COL6A3: variants seen among roughly 807,000 people sequenced by gnomAD.
COL6A3 encodes collagen alpha-3(VI) chain.
In COL6A3, 137 loss-of-function variants were observed where a neutral mutation model predicts 274.1. That is an observed-to-expected ratio of 0.50 (90% CI 0.44 to 0.58). The LOEUF is 0.58. COL6A3 is among the 20% of genes least tolerant of loss of function. The probability of loss-of-function intolerance (pLI) is 0.00; values close to 1 mark genes in which losing one functional copy is unlikely to be tolerated. For missense variants in COL6A3, 3,950 were observed against 4,124.9 expected (o/e 0.96, Z 1.16); for synonymous variants, 1,650 against 1,650.6 (o/e 1.00, Z 0.01).
Position 237,394,960 on chromosome 2 carries a change from A to G in COL6A3, c.336T>C (p.Ile112=). ...VLSHISNMSY[I]GGTNQTGKGL... ...CTTTTCCAGTCTGATTGGTTCCCCC[A>G]ATATAAGACATGTTGGAAATATGAG... Residue 112 remains isoleucine (I), a synonymous_variant, in exon 3 of 44, where the codon ATT becomes ATC. Transcript: ENST00000295550. The G allele has an allele frequency of 6.2e-7, 1 of 1,614,120 alleles. No individual in the cohort carries two copies. The highest frequency in any genetic ancestry group is 1.1e-5 in the South Asian group (1 of 91,062).
chr2:237,382,125 G>A (rs750781265), intron 4 of COL6A3, among the ~76,000 whole-genome samples: 3 of 152,208 alleles, frequency 2.0e-5, no homozygotes, highest in Non-Finnish European at 2.9e-5. Flanking sequence ...GCTCACGCCT[G>A]TAATCCCAGC....
intron 1 of COL6A3, among the ~76,000 whole-genome samples, chr2:237,405,155 G>A (rs558046960): frequency 1.1e-4 from 16 of 152,128 alleles, no homozygotes; most frequent in Non-Finnish European, 1.8e-4. Flanking sequence ...CTCCACTGAT[G>A]ATTCAGAACC....
intron 39 of COL6A3, 125 bp downstream of exon 39, chr2:237,338,881 GACCCACATT>G: frequency 1.5e-6 from 1 of 688,492 alleles, no homozygotes; most frequent in Admixed American, 2.5e-5. Flanking sequence ...TGAGAAGCAT[GACCCACATT>G]ACCTTTGGGA....
chr2:237,402,969 C>T (rs2645779), intron 1 of COL6A3, among the ~76,000 whole-genome samples: 55,711 of 152,068 alleles, frequency 0.37, 12,060 homozygotes, highest in African/African-American at 0.6. Flanking sequence ...AGCCTTGCCA[C>T]CTGAAGATTG....
chr2:237,332,807 C>T (rs56033985), intron 42 of COL6A3, among the ~76,000 whole-genome samples: 11,002 of 152,270 alleles, frequency 0.072, 489 homozygotes, highest in Non-Finnish European at 0.1. Flanking sequence ...CCACATTCTG[C>T]TGAATGAGAG....
chr2:237,396,795 G>A lies in COL6A3; in HGVS notation c.23C>T (p.Pro8Leu), dbSNP rs753695671. The part of the protein sequence containing the change: MRKHRHL[P>L]LVAVFCLFLS... ...AAAGAGGCAAAAGACGGCCACTAAG[G>A]GCAAGTGCCGATGTTTCCTCATTTT... Residue 8 changes from proline (P) to leucine (L), a missense_variant, in exon 2 of 44, where the codon CCC becomes CTC. By Grantham distance (98) the Pro-to-Leu change is moderately conservative. Transcript: ENST00000295550. 5 of 1,614,104 alleles carry A rather than the reference G, an allele frequency of 3.1e-6. No individual in the cohort carries two copies. Among genetic ancestry groups the A allele is most frequent in the South Asian group, 2.2e-5 (2 of 91,080 alleles).
chr2:237,337,365 C>G (rs976278513), intron 39 of COL6A3, among the ~76,000 whole-genome samples: 1 of 152,082 alleles, frequency 6.6e-6, no homozygotes, highest in African/African-American at 2.4e-5. Context: ...ATGGAGGCTA[C>G]AAAGCTAAAT....
intron 1 of COL6A3, among the ~76,000 whole-genome samples, chr2:237,406,769 T>A (rs1013708997): frequency 1.3e-5 from 2 of 152,188 alleles, no homozygotes; most frequent in African/African-American, 4.8e-5. Flanking sequence ...ATGCTCTTGG[T>A]GTTTGAAAGA....
intron 4 of COL6A3, among the ~76,000 whole-genome samples, chr2:237,386,121 C>T (rs1477439319): frequency 6.6e-6 from 1 of 152,196 alleles, no homozygotes; most frequent in Admixed American, 6.5e-5. Context: ...ACAACAAAAG[C>T]TGTGGTTTAA....
chr2:237,337,151 T>C (rs566859698), intron 39 of COL6A3, among the ~76,000 whole-genome samples: 10 of 152,336 alleles, frequency 6.6e-5, no homozygotes, highest in African/African-American at 2.4e-4. Context: ...CTTCATAGCT[T>C]TCTTGATCTT....
At position 237,336,410 on chromosome 2, in the gene COL6A3, A is replaced by G; in HGVS notation, c.8690T>C (p.Val2897Ala). ...CACAGATGGCTGATTTATAATAGTC[A>G]CAGGCTTTGTTGTGGTGGTTACAGG... ...TKPVTTTTKP[V>A]TIINQPSVKP... Residue 2897 changes from valine (V) to alanine (A), a missense_variant, in exon 40 of 44, where the codon GTG becomes GCG. Coordinates refer to ENST00000295550, the MANE Select transcript of COL6A3 (RefSeq NM_004369.4). 1 of 1,613,512 alleles carries G rather than the reference A, an allele frequency of 6.2e-7. No homozygotes were observed. The highest frequency in any genetic ancestry group is 8.5e-7 in the Non-Finnish European group (1 of 1,180,020).
Position 237,348,608 on chromosome 2 carries a change from C to T in COL6A3, c.6930+5G>A, listed in dbSNP as rs749037028. 3.1e-6 allele frequency: 5 copies of T among 1,613,810 alleles called. No individual in the cohort carries two copies. The highest frequency in any genetic ancestry group is 1.7e-5 in the Admixed American group (1 of 60,034). ...ACGCTTGGATAATCCTCAGCAGATA[C>T]GTACTTTTTTGCCTCTGCGTCCTTC... On this transcript the variant is annotated splice_donor_5th_base_variant and intron_variant, in intron 29 of 43. Transcript: ENST00000295550.
chr2:237,359,094 A>G lies in COL6A3; in HGVS notation c.6355-6T>C. 2 of 1,614,116 alleles carry G rather than the reference A, an allele frequency of 1.2e-6. No homozygotes were observed. The highest frequency in any genetic ancestry group is 1.7e-6 in the Non-Finnish European group (2 of 1,179,938). ...CCAGGCAATCCTTTGTCTCCCTGCC[A>G]AAGACAAGGATTAAAGGTCACACCT... On this transcript the variant is annotated splice_region_variant and splice_polypyrimidine_tract_variant and intron_variant, in intron 19 of 43. Coordinates refer to ENST00000295550, the MANE Select transcript of COL6A3 (RefSeq NM_004369.4).
chr2:237,375,400 A>G (rs1444818174), intron 7 of COL6A3, among the ~76,000 whole-genome samples: 1 of 152,220 alleles, frequency 6.6e-6, no homozygotes, highest in Non-Finnish European at 1.5e-5. Flanking sequence ...AGGTGAGCAG[A>G]TGAAGAATCC....
chr2:237,372,579 G>T (rs185718090), intron 8 of COL6A3, among the ~76,000 whole-genome samples: 4 of 152,348 alleles, frequency 2.6e-5, no homozygotes, highest in Admixed American at 2.6e-4. Flanking sequence ...CACCAGCGAG[G>T]ATGGTACTTG....
chr2:237,341,108 C>T lies in COL6A3; in HGVS notation c.7808G>A (p.Arg2603Lys), dbSNP rs150554876. ...IDPSCGFGSWRPSFRDRRAAG... is the reference protein window; with the variant it reads ...IDPSCGFGSWKPSFRDRRAAG... ...CGCTCTCCTGTCCCTGAAGGAAGGC[C>T]TCCAACTGCCAAATCCACAGGATGG... The change falls in exon 38 of 44, where the codon AGG becomes AAG. Residue 2603 changes from arginine (R) to lysine (K), a missense_variant. By Grantham distance (26) the Arg-to-Lys change is conservative. This residue lies in a region of COL6A3 where 1,284 missense variants were observed against 1,349.7 expected (regional missense o/e 0.95). Transcript: ENST00000295550. 1.4e-5 allele frequency: 22 copies of T among 1,614,186 alleles called. 1 individual carries two copies. Among genetic ancestry groups the T allele is most frequent in the South Asian group, 7.7e-5 (7 of 91,088 alleles).
chr2:237,371,776 T>C lies in COL6A3; in HGVS notation c.4241A>G (p.Glu1414Gly), dbSNP rs1385982462. ...GCTGGCTAAGAGCTTCTGGATCTGC[T>C]CTGAGGTCAGGGTCGTGATGGGCGT... Reference protein sequence around the residue: ...LLTPITTLTSEQIQKLLASTR... With the variant: ...LLTPITTLTSGQIQKLLASTR... The change falls in exon 9 of 44, where the codon GAG becomes GGG. Residue 1414 changes from glutamate (E) to glycine (G), a missense_variant. Physicochemically the swap from Glu to Gly is moderately conservative, Grantham distance 98. Transcript: ENST00000295550. This position sits in a 1 kb window ranked among gnomAD's most constrained non-coding sequence, Gnocchi z 4.3. 1 of 1,613,486 alleles carries C rather than the reference T, an allele frequency of 6.2e-7. No homozygotes were observed. The highest frequency in any genetic ancestry group is 1.3e-5 in the African/African-American group (1 of 74,992).
At chr2:237,351,760 C>T (rs973336376) in intron 26 of COL6A3, among the ~76,000 whole-genome samples, 46 of 152,176 alleles carry the variant, frequency 3.0e-4, no homozygotes, top group African/African-American at 1.1e-3. Flanking sequence ...TGATTAATTA[C>T]AAGTTAAGTA....
At chr2:237,349,322 A>G (rs2077158670) in intron 28 of COL6A3, among the ~76,000 whole-genome samples, 1 of 152,236 alleles carries the variant, frequency 6.6e-6, no homozygotes, top group East Asian at 1.9e-4. Context: ...ACAGTTTTCA[A>G]CAGATATCAA....
Sources: gnomAD v4.1 joint callset for allele counts (sites outside exome capture counted in the v4.1 genomes callset) on GRCh38, gnomAD v4.1.1 for gene constraint, gnomAD v4.1.1 regional missense constraint, Gnocchi (gnomAD v3.1) non-coding constraint, MANE v1.5 for transcripts, NCBI Gene and HGNC (gene_info 2026-07-23, HGNC 2026-07-21) for gene names.